The following DENND11 variants were observed in gnomAD, a reference collection of about 807,000 sequenced individuals.
DENND11 encodes the protein DENN domain-containing protein 11.
DENND11 carries 34 observed loss-of-function variants against 49.2 expected under a neutral mutation model. The observed-to-expected ratio is 0.69, with a 90% CI of 0.53 to 0.92. The LOEUF (loss-of-function observed/expected upper bound fraction) is 0.92. DENND11 is among the 40% of genes least tolerant of loss of function. DENND11 has a pLI of 0.00. For synonymous variants in DENND11, 238 were observed against 230.3 expected (o/e 1.03, Z -0.30); for missense variants, 475 against 581.6 (o/e 0.82, Z 1.88).
At chr7:141,672,269 C>T (rs1797994684) in intron 4 of DENND11, among the ~76,000 whole-genome samples, 1 of 152,204 alleles carries the variant, frequency 6.6e-6, no homozygotes, top group Admixed American at 6.5e-5. Flanking sequence ...GTGATCCCCA[C>T]CTCTTGGTAT....
intron 1 of DENND11, 22 bp from the exon 2 acceptor site, chr7:141,686,680 A>T (rs752928878): frequency 6.5e-7 from 1 of 1,549,096 alleles, no homozygotes; most frequent in Admixed American, 1.7e-5. Flanking sequence ...GGAAGATGCA[A>T]GTTAAAAGAA....
At chr7:141,676,921 C>T (rs1253192977) in intron 3 of DENND11, among the ~76,000 whole-genome samples, 1 of 152,146 alleles carries the variant, frequency 6.6e-6, no homozygotes, top group African/African-American at 2.4e-5. Context: ...TATTATTAAT[C>T]AGAAGCCATA....
At chr7:141,702,157 TAGGCGAGGCGGAGCCGCGGGCGCGAG>T in exon 1 of DENND11, 2 of 980,404 alleles carry the variant, frequency 2.0e-6, no homozygotes, top group Non-Finnish European at 1.2e-6. Context: ...CCACCATGGC[TAGGCGAGGCGGAGCCGCGGGCGCGAG>T]GGGCGGGGCG....
At chr7:141,690,150 C>T (rs544627612) in intron 1 of DENND11, among the ~76,000 whole-genome samples, 6 of 152,350 alleles carry the variant, frequency 3.9e-5, no homozygotes, top group Middle Eastern at 3.4e-3. Context: ...CACTGCATAG[C>T]TGCTTCTCTG....
intron 7 of DENND11, 142 bp downstream of exon 7, chr7:141,664,762 A>C (rs1797861479): frequency 2.0e-6 from 2 of 1,018,864 alleles, no homozygotes; most frequent in Non-Finnish European, 2.8e-6. Context: ...GCTTCCCTTC[A>C]TTTCCATCTC....
In DENND11 at chr7:141,681,716, T is replaced by G. The variant is rs1798149266; in HGVS notation, c.527+3762A>C. Reference sequence around the variant, plus strand: ...GACATGTATTGTCACATGCTTGGCTTATAAAAGCCTGTGACTTCTTGACCC... The same window carrying G: ...GACATGTATTGTCACATGCTTGGCTGATAAAAGCCTGTGACTTCTTGACCC... On this transcript the variant is annotated intron_variant, in intron 3 of 8. Coordinates refer to ENST00000536163, the MANE Select transcript of DENND11 (RefSeq NM_001080392.2). Among the ~76,000 whole-genome samples, 4 of 152,170 alleles carry G rather than the reference T, an allele frequency of 2.6e-5. No individual in the cohort carries two copies. The South Asian group carries it at 6.2e-4, about 24-fold the overall frequency.
Position 141,660,479 on chromosome 7 carries a change from A to G in DENND11, c.*2177T>C, listed in dbSNP as rs1343348379. On this transcript the variant is annotated 3_prime_UTR_variant, in exon 9 of 9. Coordinates refer to ENST00000536163, the MANE Select transcript of DENND11 (RefSeq NM_001080392.2). ...AGCCCTGACTCACCATTCAAAGGAAAAAACAGGAACTTCATTCTCACCCTG... is the reference window on the plus strand; with the variant it reads ...AGCCCTGACTCACCATTCAAAGGAAGAAACAGGAACTTCATTCTCACCCTG... 4 of 152,228 alleles carry G rather than the reference A, an allele frequency of 2.6e-5. No homozygotes were observed. The highest frequency in any genetic ancestry group is 9.6e-5 in the African/African-American group (4 of 41,454). 9.4% of individuals were successfully genotyped at this position (152,228 alleles called of 1,614,324 possible).
intron 1 of DENND11, among the ~76,000 whole-genome samples, chr7:141,691,357 T>C (rs1798324538): frequency 2.0e-5 from 3 of 152,202 alleles, no homozygotes; most frequent in Admixed American, 1.3e-4. Context: ...ACCTGATCGT[T>C]ACATGAAAAA....
In DENND11 at chr7:141,662,521, A is replaced by G. The variant is rs904528944; in HGVS notation, c.*135T>C. 26 of 575,238 alleles carry G rather than the reference A, an allele frequency of 4.5e-5. No homozygotes were observed. Among genetic ancestry groups the G allele is most frequent in the Non-Finnish European group, 8.1e-6 (3 of 370,940 alleles). 35.6% of individuals were successfully genotyped at this position (575,238 alleles called of 1,614,324 possible). A position where few individuals can be genotyped will look rare whatever the true frequency, so the allele number is the denominator to read the frequency against. Reference sequence around the variant, plus strand: ...AAAGGGCAGAAAGGAAATTGCAAAAATTATGTTTGTTGGAAAGTATAAACA... The same window carrying G: ...AAAGGGCAGAAAGGAAATTGCAAAAGTTATGTTTGTTGGAAAGTATAAACA... On this transcript the variant is annotated 3_prime_UTR_variant, in exon 9 of 9. Transcript: ENST00000536163.
intron 3 of DENND11, among the ~76,000 whole-genome samples, chr7:141,675,615 C>CT (rs1189986185): frequency 6.6e-6 from 1 of 152,186 alleles, no homozygotes; most frequent in African/African-American, 2.4e-5. Flanking sequence ...GCCACACCGC[C>CT]TCTGCAAACT....
intron 4 of DENND11, among the ~76,000 whole-genome samples, chr7:141,667,036 T>G (rs1381209213): frequency 6.6e-6 from 1 of 152,164 alleles, no homozygotes; most frequent in Non-Finnish European, 1.5e-5. Flanking sequence ...TTTTCCTACC[T>G]CAGCCTCCCA....
rs781071991 is a variant in DENND11 at position 141,662,776 on chromosome 7, T to C, written c.1248A>G (p.Thr416=). 6.8e-6 allele frequency: 11 copies of C among 1,607,568 alleles called. No homozygotes were observed. Among genetic ancestry groups the C allele is most frequent in the Non-Finnish European group, 8.5e-6 (10 of 1,176,902 alleles). The part of the protein sequence containing the change: ...EVSASQDKTL[T]AEHARGMGLD... ...GGCCCATGCCCCGGGCATGCTCTGC[T>C]GTCAGAGTTTTGTCTTGACTGGCAG... Residue 416 remains threonine, a synonymous_variant, in exon 9 of 9, where the codon ACA becomes ACG. Coordinates refer to ENST00000536163, the MANE Select transcript of DENND11 (RefSeq NM_001080392.2).
intron 1 of DENND11, among the ~76,000 whole-genome samples, chr7:141,698,814 C>A (rs78827551): frequency 2.0e-5 from 3 of 152,158 alleles, no homozygotes; most frequent in African/African-American, 7.2e-5. Context: ...GCTATGAATT[C>A]TCTTCTTCCT....
intron 3 of DENND11, among the ~76,000 whole-genome samples, chr7:141,684,203 C>T (rs1339945115): frequency 6.6e-6 from 1 of 152,192 alleles, no homozygotes; most frequent in Admixed American, 6.5e-5. Flanking sequence ...TCCTAAAGTG[C>T]TGGGATTACA....
chr7:141,684,142 G>T (rs985152467), intron 3 of DENND11, among the ~76,000 whole-genome samples: 1 of 152,226 alleles, frequency 6.6e-6, no homozygotes, highest in East Asian at 1.9e-4. Flanking sequence ...GCCCAGGCTG[G>T]TCTTGAATTC....
At chr7:141,680,163 AATAATGAACTTG>A (rs765929110) in intron 3 of DENND11, among the ~76,000 whole-genome samples, 1 of 152,198 alleles carries the variant, frequency 6.6e-6, no homozygotes, top group Non-Finnish European at 1.5e-5. Flanking sequence ...AATGTCTATT[AATAATGAACTTG>A]ATAAATGCTA....
intron 4 of DENND11, 104 bp downstream of exon 4, chr7:141,673,963 T>C: frequency 7.4e-7 from 1 of 1,352,428 alleles, no homozygotes; most frequent in South Asian, 1.4e-5. Flanking sequence ...AGACATTTTG[T>C]ATGATCCAAA....
chr7:141,688,664 T>C (rs1157586359), intron 1 of DENND11, among the ~76,000 whole-genome samples: 1 of 152,168 alleles, frequency 6.6e-6, no homozygotes, highest in African/African-American at 2.4e-5. Flanking sequence ...CGCTTTCCTA[T>C]ATTTTCCCCT....
rs35125206 is a variant in DENND11 at position 141,674,230 on chromosome 7, A to AACACACACACACACACACACAC, written c.528-32_528-11dup. 3.1e-4 allele frequency: 458 copies of AACACACACACACACACACACAC among 1,494,442 alleles called. 6 individuals are homozygous for AACACACACACACACACACACAC. The African/African-American group carries it at 5.8e-3, about 19-fold the overall frequency. The allele number at this position is 1,494,442 out of a possible 1,614,324, so 92.6% of individuals were successfully genotyped here. A position where few individuals can be genotyped will look rare whatever the true frequency, so the allele number is the denominator to read the frequency against. ...CATCTCCAACTGGTGCCTGCAGAAA[A>AACACACACACACACACACACAC]ACACACACACACACACACACACACA... On this transcript the variant is annotated splice_polypyrimidine_tract_variant and intron_variant, in intron 3 of 8. Transcript: ENST00000536163.
Sources: gnomAD v4.1 joint callset for allele counts (sites outside exome capture counted in the v4.1 genomes callset) on GRCh38, gnomAD v4.1.1 for gene constraint, MANE v1.5 for transcripts, NCBI Gene and HGNC (gene_info 2026-07-23, HGNC 2026-07-21) for gene names.